ATP13A4: variants seen among roughly 807,000 people sequenced by gnomAD.
The protein encoded by ATP13A4 is probable cation-transporting ATPase 13A4.
In ATP13A4, 114 loss-of-function variants were observed where a neutral mutation model predicts 142.5. The ratio of observed to expected loss-of-function variants is 0.80; its 90% CI spans 0.69 to 0.93. The LOEUF is 0.93. ATP13A4 is among the 40% of genes least tolerant of loss of function. The pLI is 0.00. For missense variants in ATP13A4, 1,392 were observed against 1,454.0 expected, an observed-to-expected ratio of 0.96 and a Z score of 0.69; for synonymous variants, 488 against 514.8, an observed-to-expected ratio of 0.95 and a Z score of 0.70.
chr3:193,542,027 A>G (rs571669307), intron 1 of ATP13A4, among the ~76,000 whole-genome samples: 1 of 152,306 alleles, frequency 6.6e-6, no homozygotes, highest in South Asian at 2.1e-4. Context: ...GAAAAGAGGA[A>G]GTCATACTGT....
In ATP13A4 at chr3:193,436,734, G is replaced by A. The variant is rs184698411; in HGVS notation, c.2673-990C>T. On this transcript the variant is annotated intron_variant, in intron 23 of 29. Transcript: ENST00000342695. ...CCCAAAGTGTTGGGATTACAGCCAT[G>A]AGCCACCACACCCAGCCTAGATCAT... Among the ~76,000 whole-genome samples the A allele has an allele frequency of 4.9e-3, 733 of 151,038 alleles. 1 individual carries two copies. The highest frequency in any genetic ancestry group is 7.9e-3 in the Non-Finnish European group (537 of 67,774).
chr3:193,465,693 C>G (rs777458766), intron 11 of ATP13A4, among the ~76,000 whole-genome samples: 6 of 152,070 alleles, frequency 3.9e-5, no homozygotes, highest in Admixed American at 1.3e-4. Context: ...TTTAAAATCC[C>G]TTGCTCAATA....
chr3:193,558,851 C>G (rs954378693), upstream of ATP13A4, among the ~76,000 whole-genome samples: 2 of 152,136 alleles, frequency 1.3e-5, no homozygotes, highest in Admixed American at 6.5e-5. Context: ...CTCATTTTTT[C>G]TCAAATACTC....
intron 28 of ATP13A4, among the ~76,000 whole-genome samples, 200 bp from the exon 29 acceptor site, chr3:193,407,593 T>C (rs1361810198): frequency 6.6e-6 from 1 of 152,170 alleles, no homozygotes; most frequent in Non-Finnish European, 1.5e-5. Context: ...ATACTTATGA[T>C]CCTAATGATT....
In ATP13A4 at chr3:193,582,605, A is replaced by G. The variant is rs1724575646; in HGVS notation, n.92-699T>C. The stretch of plus-strand genomic sequence containing the variant: ...ATTACATATATTATATATGTATATT[A>G]CATGTATATTATATATGTATATTAC... On this transcript the variant is annotated intron_variant and non_coding_transcript_variant, in intron 1 of 3. Transcript: ENST00000489140. 2.4e-5 allele frequency among the ~76,000 whole-genome samples: 3 copies of G among 123,418 alleles called. No homozygotes were observed. In the South Asian group the frequency reaches 7.0e-4, roughly 29 times the overall value. The allele number at this position is 123,418 out of a possible 152,430, so 81.0% of individuals were successfully genotyped here.
intron 1 of ATP13A4, among the ~76,000 whole-genome samples, chr3:193,552,524 T>G (rs1463367703): frequency 6.6e-6 from 1 of 152,216 alleles, no homozygotes; most frequent in Non-Finnish European, 1.5e-5. Flanking sequence ...TTATTTAAGC[T>G]ACTCGAATTA....
At chr3:193,472,544 T>A (rs1019297064) in intron 8 of ATP13A4, among the ~76,000 whole-genome samples, 1 of 152,232 alleles carries the variant, frequency 6.6e-6, no homozygotes, top group Non-Finnish European at 1.5e-5. Context: ...GTTGCTAAGA[T>A]CTATAGTAAG....
At chr3:193,476,775 AAG>A (rs150389156) in intron 8 of ATP13A4, among the ~76,000 whole-genome samples, 11 of 150,680 alleles carry the variant, frequency 7.3e-5, no homozygotes, top group Non-Finnish European at 4.4e-5. Flanking sequence ...GGCCTGAGGA[AAG>A]AGAGAGAGAG....
At chr3:193,567,698 C>T (rs958325202) in intron 2 of ATP13A4, among the ~76,000 whole-genome samples, 1 of 152,162 alleles carries the variant, frequency 6.6e-6, no homozygotes, top group Non-Finnish European at 1.5e-5. Context: ...AGTTTAGCTA[C>T]CATGTGTTAG....
chr3:193,466,030 T>C lies in ATP13A4; in HGVS notation c.1267A>G (p.Ser423Gly). Reference protein sequence around the residue: ...MIYTLCVYVLSGEPPEEVVRK... With the variant: ...MIYTLCVYVLGGEPPEEVVRK... ...AAAGAGCAAAGACAGCTTACCCCACTAAGCACATAGACACACAGAGTATAG... is the reference window on the plus strand; with the variant it reads ...AAAGAGCAAAGACAGCTTACCCCACCAAGCACATAGACACACAGAGTATAG... The change falls in exon 11 of 30, where the codon AGT becomes GGT. Residue 423 changes from serine (S) to glycine (G), a missense_variant. Coordinates refer to ENST00000342695, the MANE Select transcript of ATP13A4 (RefSeq NM_032279.4). The C allele has an allele frequency of 6.2e-7, 1 of 1,614,126 alleles. No homozygotes were observed. Among genetic ancestry groups the C allele is most frequent in the Non-Finnish European group, 8.5e-7 (1 of 1,179,978 alleles).
intron 8 of ATP13A4, among the ~76,000 whole-genome samples, chr3:193,482,294 A>G (rs1719341469): frequency 6.6e-6 from 1 of 152,222 alleles, no homozygotes; most frequent in Admixed American, 6.5e-5. Flanking sequence ...TCAAAATGTA[A>G]TATAGAACTA....
intron 1 of ATP13A4, among the ~76,000 whole-genome samples, chr3:193,525,816 G>A (rs1458343437): frequency 6.6e-6 from 1 of 152,186 alleles, no homozygotes; most frequent in African/African-American, 2.4e-5. Context: ...GCCTAAACAA[G>A]GGCCTGTGTA....
intron 8 of ATP13A4, among the ~76,000 whole-genome samples, chr3:193,473,992 C>T (rs1718766548): frequency 6.6e-6 from 1 of 152,098 alleles, no homozygotes; most frequent in South Asian, 2.1e-4. Context: ...GTTGCACAGT[C>T]CTTCATGTAG....
intron 1 of ATP13A4, among the ~76,000 whole-genome samples, chr3:193,554,074 G>T (rs1723749013): frequency 6.6e-6 from 1 of 152,152 alleles, no homozygotes; most frequent in Admixed American, 6.5e-5. Context: ...AATTCATCCT[G>T]AGCATGAAAG....
intron 2 of ATP13A4, among the ~76,000 whole-genome samples, chr3:193,512,156 C>A (rs1001510388): frequency 8.5e-5 from 13 of 152,170 alleles, no homozygotes; most frequent in Admixed American, 2.6e-4. Flanking sequence ...AAGCGTTACC[C>A]TCTGAGAACT....
chr3:193,530,462 C>T (rs958958744), intron 1 of ATP13A4, among the ~76,000 whole-genome samples: 1 of 152,160 alleles, frequency 6.6e-6, no homozygotes, highest in Non-Finnish European at 1.5e-5. Flanking sequence ...CTAGACATTC[C>T]CTTTAATATT....
intron 1 of ATP13A4, chr3:193,554,439 C>G: frequency 2.2e-6 from 1 of 461,380 alleles, no homozygotes; most frequent in Non-Finnish European, 4.0e-6. Context: ...CAATGAGGCT[C>G]AAACAAGAAT....
chr3:193,583,262 G>A (rs1051844736), intron 1 of ATP13A4, among the ~76,000 whole-genome samples: 20 of 151,524 alleles, frequency 1.3e-4, no homozygotes, highest in Non-Finnish European at 2.4e-4. Flanking sequence ...GCGAAACCCC[G>A]TCTCTACTAA....
Position 193,474,635 on chromosome 3 carries a change from G to A in ATP13A4, c.809-3642C>T, listed in dbSNP as rs143402458. Among the ~76,000 whole-genome samples the A allele has an allele frequency of 1.4e-4, 19 of 132,996 alleles. 1 individual carries two copies. The highest frequency in any genetic ancestry group is 5.0e-4 in the African/African-American group (18 of 35,864). 87.3% of individuals were successfully genotyped at this position (132,996 alleles called of 152,430 possible). On this transcript the variant is annotated intron_variant, in intron 8 of 29. Transcript: ENST00000342695. ...GAAGAAAGGAAGGAGAGAGAGACGA[G>A]AAAGAAAGAAAGGAAGAAAGAAAGA...
Sources: gnomAD v4.1 joint callset for allele counts (sites outside exome capture counted in the v4.1 genomes callset) on GRCh38, gnomAD v4.1.1 for gene constraint, MANE v1.5 for transcripts, NCBI Gene and HGNC (gene_info 2026-07-23, HGNC 2026-07-21) for gene names.